IL1RAPL1: variants seen among roughly 807,000 people sequenced by gnomAD.
IL1RAPL1 encodes interleukin-1 receptor accessory protein-like 1.
IL1RAPL1 carries 3 observed loss-of-function variants against 48.4 expected under a neutral mutation model. The observed-to-expected ratio is 0.06, with a 90% CI of 0.03 to 0.16. The LOEUF is 0.16. Ranked by LOEUF, IL1RAPL1 falls within the 10% of genes least tolerant of loss-of-function variation. The pLI is 1.00. For synonymous variants in IL1RAPL1, 185 were observed against 187.7 expected (o/e 0.99, Z 0.12); for missense variants, 349 against 530.6 (o/e 0.66, Z 3.36).
chrX:28,693,386 A>G (rs1020637010), intron 1 of IL1RAPL1, among the ~76,000 whole-genome samples: 6 of 112,649 alleles, frequency 5.3e-5, no homozygotes, highest in Non-Finnish European at 1.1e-4. Flanking sequence ...TCAACAGGAC[A>G]GTCCTTTTCT....
chrX:29,582,354 T>A (rs987289238), intron 5 of IL1RAPL1, among the ~76,000 whole-genome samples: 6 of 78,601 alleles, frequency 7.6e-5, no homozygotes, highest in Non-Finnish European at 1.7e-4. Flanking sequence ...AGCATCTTTT[T>A]TTTTTTATTT....
At chrX:28,803,301 G>C (rs1483448712) in intron 2 of IL1RAPL1, among the ~76,000 whole-genome samples, 1 of 111,640 alleles carries the variant, frequency 9.0e-6, no homozygotes, top group Non-Finnish European at 1.9e-5. Flanking sequence ...GAATATGGAA[G>C]TGAAGATCTT....
intron 6 of IL1RAPL1, among the ~76,000 whole-genome samples, chrX:29,738,803 T>C (rs746378158): frequency 7.1e-5 from 8 of 112,233 alleles, no homozygotes; most frequent in African/African-American, 1.6e-4. Context: ...ATCCGGGGAA[T>C]TTGAACAGGG....
At chrX:29,521,283 G>A (rs969108135) in intron 5 of IL1RAPL1, among the ~76,000 whole-genome samples, 4 of 111,581 alleles carry the variant, frequency 3.6e-5, no homozygotes, top group Admixed American at 1.9e-4. Flanking sequence ...TTTCAATGTC[G>A]ATGGACCATA....
At chrX:29,563,384 G>A (rs750888240) in intron 5 of IL1RAPL1, among the ~76,000 whole-genome samples, 1 of 111,426 alleles carries the variant, frequency 9.0e-6, no homozygotes, top group African/African-American at 3.3e-5. Flanking sequence ...GTTAATAAAG[G>A]GTTCCTTAGA....
chrX:29,954,970 C>A, intron 10 of IL1RAPL1, 132 bp from the exon 11 acceptor site: 1 of 594,690 alleles, frequency 1.7e-6, no homozygotes, highest in Non-Finnish European at 2.8e-6. Context: ...ATATTGCTGA[C>A]ATTAGGAGAA....
chrX:29,646,746 A>C (rs753383214), intron 5 of IL1RAPL1, among the ~76,000 whole-genome samples: 2 of 111,211 alleles, frequency 1.8e-5, no homozygotes, highest in Non-Finnish European at 1.9e-5. Context: ...GTTTCAGTAC[A>C]CTTAGCAGTA....
intron 2 of IL1RAPL1, among the ~76,000 whole-genome samples, chrX:28,796,205 G>A (rs980034253): frequency 1.8e-5 from 2 of 111,744 alleles, no homozygotes; most frequent in Non-Finnish European, 3.8e-5. Context: ...GGGAGTTACA[G>A]TTTAAGGTGA....
chrX:28,866,300 C>G (rs1279703170), intron 2 of IL1RAPL1, among the ~76,000 whole-genome samples: 1 of 111,901 alleles, frequency 8.9e-6, no homozygotes, highest in Admixed American at 9.5e-5. Flanking sequence ...ATTGTATGTT[C>G]TCACTCATAA....
At chrX:29,296,607 A>G (rs771999453) in intron 3 of IL1RAPL1, among the ~76,000 whole-genome samples, 1 of 108,210 alleles carries the variant, frequency 9.2e-6, no homozygotes, top group Admixed American at 1.0e-4. Context: ...CACCATACCT[A>G]CCCCCAGTAC....
In IL1RAPL1 at chrX:29,822,153, A is replaced by C. The variant is rs185994796; in HGVS notation, c.779-95311A>C. Among the ~76,000 whole-genome samples, 11 of 111,924 alleles carry C rather than the reference A, an allele frequency of 9.8e-5. No individual in the cohort carries two copies. The East Asian group carries it at 3.1e-3, about 31-fold the overall frequency. On this transcript the variant is annotated intron_variant, in intron 6 of 10. Transcript: ENST00000378993. Reference sequence around the variant, plus strand: ...TAATCTAGTTTTTTTTTTAAATTTCAATCAGTTTGTTTGAAATCATGTAAA... The same window carrying C: ...TAATCTAGTTTTTTTTTTAAATTTCCATCAGTTTGTTTGAAATCATGTAAA...
At chrX:29,044,384 C>T (rs754473237) in intron 2 of IL1RAPL1, among the ~76,000 whole-genome samples, 131 of 110,666 alleles carry the variant, frequency 1.2e-3, no homozygotes, top group African/African-American at 4.1e-3. Context: ...GAGCCAAGAT[C>T]GCGCCACTAC....
intron 6 of IL1RAPL1, among the ~76,000 whole-genome samples, chrX:29,769,427 GTTTTTTTTTTTT>G (rs749403144): frequency 1.9e-4 from 5 of 25,890 alleles, no homozygotes; most frequent in African/African-American, 8.7e-4. Flanking sequence ...CTGCCAAACA[GTTTTTTTTTTTT>G]TTTTTTTTTT....
chrX:28,769,820 A>G (rs1936290792), intron 1 of IL1RAPL1, among the ~76,000 whole-genome samples: 1 of 111,731 alleles, frequency 9.0e-6, no homozygotes, highest in Admixed American at 9.6e-5. Context: ...CTAAAATTCT[A>G]TGACTTTGAG....
chrX:28,932,184 A>G (rs1275261972), intron 2 of IL1RAPL1, among the ~76,000 whole-genome samples: 1 of 111,261 alleles, frequency 9.0e-6, no homozygotes, highest in Non-Finnish European at 1.9e-5. Context: ...GTACTTTTTT[A>G]TGGTTAGATT....
chrX:29,800,256 C>T (rs182818215), intron 6 of IL1RAPL1, among the ~76,000 whole-genome samples: 1 of 110,941 alleles, frequency 9.0e-6, no homozygotes, highest in East Asian at 2.9e-4. Context: ...GGTAAAATCA[C>T]ATGACCACTG....
chrX:29,225,256 C>A (rs1569264041), intron 2 of IL1RAPL1, among the ~76,000 whole-genome samples: 1 of 112,230 alleles, frequency 8.9e-6, no homozygotes, highest in Admixed American at 9.5e-5. Context: ...ATTATTATGT[C>A]ATTAAACTAG....
chrX:29,003,831 C>T (rs1602006325), intron 2 of IL1RAPL1, among the ~76,000 whole-genome samples: 1 of 111,968 alleles, frequency 8.9e-6, no homozygotes, highest in South Asian at 3.7e-4. Context: ...TAAGAATTTA[C>T]GTTATGTATA....
chrX:29,385,173 C>T (rs980832707), intron 3 of IL1RAPL1, among the ~76,000 whole-genome samples: 2 of 111,920 alleles, frequency 1.8e-5, no homozygotes, highest in African/African-American at 6.5e-5. Context: ...AATTATTTAC[C>T]CATGGGCGCA....
Sources: gnomAD v4.1 joint callset for allele counts (sites outside exome capture counted in the v4.1 genomes callset) on GRCh38, gnomAD v4.1.1 for gene constraint, MANE v1.5 for transcripts, NCBI Gene and HGNC (gene_info 2026-07-23, HGNC 2026-07-21) for gene names.